STARD9: variants seen among roughly 807,000 people sequenced by gnomAD.
The protein encoded by STARD9 is StAR related lipid transfer domain containing 9.
In STARD9, 346 loss-of-function variants were observed where a neutral mutation model predicts 399.8. The observed-to-expected ratio is 0.87, with a 90% CI of 0.79 to 0.95. STARD9 has a LOEUF of 0.95. Among genes scored for constraint, STARD9 ranks in the 40% least tolerant of loss-of-function variants. The pLI is 0.00. For missense variants in STARD9, 5,832 were observed against 5,667.5 expected (o/e 1.03, Z -0.93); for synonymous variants, 2,203 against 2,143.5 (o/e 1.03, Z -0.77).
intron 7 of STARD9, among the ~76,000 whole-genome samples, chr15:42,644,385 C>T (rs28886641): frequency 6.6e-6 from 1 of 151,350 alleles, no homozygotes; most frequent in Non-Finnish European, 1.5e-5. Flanking sequence ...CCCAGCTATT[C>T]GGGAGGCTGA....
Position 42,638,023 on chromosome 15 carries a change from C to T in STARD9, c.385-3C>T. ...TGAAACCCCAACCCTCTGGTTTGTG[C>T]AGGGTCTCTTCGTCAGGGAGAAAGA... On this transcript the variant is annotated splice_polypyrimidine_tract_variant and splice_region_variant and intron_variant, in intron 5 of 32. Transcript: ENST00000290607. The T allele has an allele frequency of 1.3e-6, 2 of 1,537,382 alleles. No individual in the cohort carries two copies. The highest frequency in any genetic ancestry group is 1.7e-6 in the Non-Finnish European group (2 of 1,146,930).
chr15:42,710,706 A>G (rs1372559460), intron 26 of STARD9, among the ~76,000 whole-genome samples: 1 of 152,218 alleles, frequency 6.6e-6, no homozygotes, highest in African/African-American at 2.4e-5. Context: ...TTATGCTCTC[A>G]TAGTTCTGTA....
intron 3 of STARD9, among the ~76,000 whole-genome samples, chr15:42,610,593 G>C (rs1364274709): frequency 1.3e-5 from 2 of 152,158 alleles, no homozygotes; most frequent in Admixed American, 1.3e-4. Context: ...TTGTCGCCCA[G>C]GCTGGAGTGC....
At chr15:42,646,980 G>A (rs2059659445) in intron 7 of STARD9, among the ~76,000 whole-genome samples, 1 of 152,184 alleles carries the variant, frequency 6.6e-6, no homozygotes, top group Non-Finnish European at 1.5e-5. Context: ...AAGGTTGGCT[G>A]GTGGAGCAGT....
At chr15:42,617,136 G>T (rs888323320) in intron 3 of STARD9, among the ~76,000 whole-genome samples, 1 of 152,124 alleles carries the variant, frequency 6.6e-6, no homozygotes, top group Non-Finnish European at 1.5e-5. Flanking sequence ...AGTAAGAGCC[G>T]TGCCCAGCAC....
intron 26 of STARD9, among the ~76,000 whole-genome samples, chr15:42,699,677 G>C (rs1175051114): frequency 6.6e-6 from 1 of 151,804 alleles, no homozygotes; most frequent in African/African-American, 2.4e-5. Flanking sequence ...ACAGACGTGA[G>C]CCACCGTGCC....
intron 3 of STARD9, among the ~76,000 whole-genome samples, chr15:42,625,647 A>ATTT (rs11399920): frequency 0.041 from 5,611 of 138,538 alleles, 400 homozygotes; most frequent in African/African-American, 0.14. Context: ...TCTTCTTCCT[A>ATTT]TTTTTTTTTT....
chr15:42,631,702 G>T (rs2059336021), intron 3 of STARD9, among the ~76,000 whole-genome samples: 1 of 151,934 alleles, frequency 6.6e-6, no homozygotes, highest in Non-Finnish European at 1.5e-5. Flanking sequence ...TCTTGTTATT[G>T]ATTTCTAATT....
intron 7 of STARD9, among the ~76,000 whole-genome samples, chr15:42,645,988 C>G (rs971534196): frequency 1.3e-5 from 2 of 151,900 alleles, no homozygotes; most frequent in African/African-American, 4.8e-5. Flanking sequence ...GGTGAAACCC[C>G]CATATCTACT....
At chr15:42,603,536 G>A (rs1325156807) in intron 3 of STARD9, among the ~76,000 whole-genome samples, 3 of 152,102 alleles carry the variant, frequency 2.0e-5, no homozygotes, top group African/African-American at 7.2e-5. Context: ...CCAATTTACC[G>A]AGACAGTGGA....
At chr15:42,667,532 A>G (rs186720792) in intron 15 of STARD9, among the ~76,000 whole-genome samples, 2 of 151,278 alleles carry the variant, frequency 1.3e-5, no homozygotes, top group African/African-American at 4.9e-5. Context: ...TCCAGGCTGG[A>G]GTGCAATGGT....
intron 3 of STARD9, among the ~76,000 whole-genome samples, chr15:42,607,266 G>A (rs1003523503): frequency 7.1e-6 from 1 of 140,308 alleles, no homozygotes; most frequent in African/African-American, 2.7e-5. Flanking sequence ...ACAGTGGTGC[G>A]ATCTCAGTTC....
At chr15:42,705,887 G>C (rs1046590619) in intron 26 of STARD9, among the ~76,000 whole-genome samples, 1 of 151,900 alleles carries the variant, frequency 6.6e-6, no homozygotes, top group Non-Finnish European at 1.5e-5. Flanking sequence ...TGAGTAGCTG[G>C]GATTACAGGC....
At position 42,638,693 on chromosome 15, in the gene STARD9, A is replaced by T. The variant is rs1197550; in HGVS notation, c.447-7A>T. 1,177,338 of 1,515,844 alleles carry T rather than the reference A, an allele frequency of 0.78. 460,556 individuals carry two copies. Among genetic ancestry groups the T allele is most frequent in the East Asian group, 0.9 (36,851 of 40,730 alleles). The allele number at this position is 1,515,844 out of a possible 1,614,324, so 93.9% of individuals were successfully genotyped here. ...TAATTATGTTGCCTTTTTCTACTTA[A>T]CTCTAGTTTTCTAGAAATCTATAAT... On this transcript the variant is annotated splice_region_variant and splice_polypyrimidine_tract_variant and intron_variant, in intron 6 of 32. Transcript: ENST00000290607.
rs1465478820 is a variant in STARD9, at chr15:42,669,209, C to T, written c.1369C>T (p.Leu457Phe). Reference sequence around the variant, plus strand: ...CCAGAAGTGGAATGATTGGCAGGCCCTCATGGAGCATTACAGTGTGGACAT... The same window carrying T: ...CCAGAAGTGGAATGATTGGCAGGCCTTCATGGAGCATTACAGTGTGGACAT... Reference protein sequence around the residue: ...WTQKWNDWQALMEHYSVDINR... With the variant: ...WTQKWNDWQAFMEHYSVDINR... Residue 457 changes from leucine to phenylalanine, a missense_variant, in exon 16 of 33, where the codon CTC (leucine) becomes TTC (phenylalanine). Transcript: ENST00000290607. 3.9e-6 allele frequency: 6 copies of T among 1,536,608 alleles called. No individual in the cohort carries two copies. In the East Asian group the frequency reaches 7.3e-5, roughly 19 times the overall value.
intron 10 of STARD9, 139 bp from the exon 11 acceptor site, chr15:42,662,655 G>A (rs1203532289): frequency 1.9e-6 from 1 of 534,986 alleles, no homozygotes; most frequent in African/African-American, 1.9e-5. Context: ...TTTTCTTCTG[G>A]AACTGAATTC....
At chr15:42,612,168 G>T (rs1409053071) in intron 3 of STARD9, among the ~76,000 whole-genome samples, 1 of 152,118 alleles carries the variant, frequency 6.6e-6, no homozygotes, top group Non-Finnish European at 1.5e-5. Flanking sequence ...TGTAGAGACA[G>T]GGTCTCTCTA....
rs193042628 is a variant in STARD9, at chr15:42,657,013, A to T, written c.703-4145A>T. Among the ~76,000 whole-genome samples, 10 of 152,272 alleles carry T rather than the reference A, an allele frequency of 6.6e-5. No individual in the cohort carries two copies. The East Asian group carries it at 9.6e-4, about 15-fold the overall frequency. On this transcript the variant is annotated intron_variant, in intron 9 of 32. Transcript: ENST00000290607. ...TCCTCCAAAACCTATTGAAATTTTT[A>T]AAAAAGTAAGCATAAGAGAGCTGGA...
At position 42,661,189 on chromosome 15, in the gene STARD9, T is replaced by C. The variant is rs183212991; in HGVS notation, c.734T>C (p.Met245Thr). 2 of 1,537,016 alleles carry C rather than the reference T, an allele frequency of 1.3e-6. No individual in the cohort carries two copies. The highest frequency in any genetic ancestry group is 2.4e-5 in the East Asian group (1 of 40,906). Reference protein sequence around the residue: ...AILENNLPSEMASKINLVDLA... With the variant: ...AILENNLPSETASKINLVDLA... ...CTGGAGAACAACCTCCCTTCTGAAA[T>C]GGCTAGCAAGATCAACCTTGTGGAC... is the stretch of plus-strand genomic sequence containing the variant. The change falls in exon 10 of 33, where the codon ATG becomes ACG. Residue 245 changes from methionine (M) to threonine (T), a missense_variant. Met to Thr is a moderately conservative substitution (Grantham distance 81). This residue lies in a region of STARD9 where 5,828 missense variants were observed against 5,651.1 expected (regional missense o/e 1.03). Coordinates refer to ENST00000290607, the MANE Select transcript of STARD9 (RefSeq NM_020759.3).
Sources: allele counts gnomAD v4.1 joint callset (sites outside exome capture counted in the v4.1 genomes callset), GRCh38; gene constraint gnomAD v4.1.1; regional missense constraint gnomAD v4.1.1; transcripts MANE v1.5; gene names NCBI Gene and HGNC (gene_info 2026-07-23, HGNC 2026-07-21).